EMCN: variants seen among roughly 807,000 people sequenced by gnomAD.
EMCN encodes endomucin.
Under a neutral mutation model 38.4 loss-of-function variants are expected in EMCN, and 37 were observed. That is an observed-to-expected ratio of 0.96 (90% CI 0.74 to 1.27). The LOEUF is 1.27. Ranked by LOEUF, EMCN falls within the 50% of genes most tolerant of loss-of-function variation. The pLI is 0.00. For synonymous variants in EMCN, 95 were observed against 100.8 expected, an observed-to-expected ratio of 0.94 and a Z score of 0.35; for missense variants, 318 against 302.8, an observed-to-expected ratio of 1.05 and a Z score of -0.37.
intron 11 of EMCN, among the ~76,000 whole-genome samples, chr4:100,399,322 G>A (rs181350786): frequency 2.6e-5 from 4 of 152,246 alleles, no homozygotes; most frequent in Non-Finnish European, 4.4e-5. Context: ...GGTTTGCTAG[G>A]TTCTGGGGAG....
At chr4:100,420,168 G>A (rs72617733) in intron 8 of EMCN, among the ~76,000 whole-genome samples, 25,817 of 151,962 alleles carry the variant, frequency 0.17, 3,699 homozygotes, top group East Asian at 0.77. Flanking sequence ...AGCATGCAAT[G>A]TGAACAATAT....
chr4:100,399,826 T>C (rs1006202577), intron 11 of EMCN, among the ~76,000 whole-genome samples: 5 of 152,186 alleles, frequency 3.3e-5, no homozygotes, highest in Admixed American at 6.5e-5. Context: ...GTTTGTTATA[T>C]AGGTAAACTG....
At chr4:100,404,332 A>T (rs182937921) in intron 11 of EMCN, among the ~76,000 whole-genome samples, 149 of 152,082 alleles carry the variant, frequency 9.8e-4, no homozygotes, top group Non-Finnish European at 1.9e-4. Flanking sequence ...ACTGCTTGTT[A>T]TTGTCAGCTT....
At chr4:100,404,862 C>T (rs770120822) in intron 11 of EMCN, among the ~76,000 whole-genome samples, 1 of 151,880 alleles carries the variant, frequency 6.6e-6, no homozygotes, top group Non-Finnish European at 1.5e-5. Context: ...AATGTTTTTC[C>T]ATTGGTTCAT....
chr4:100,438,367 T>C (rs892097633), intron 5 of EMCN, among the ~76,000 whole-genome samples: 3 of 152,120 alleles, frequency 2.0e-5, no homozygotes, highest in Admixed American at 2.0e-4. Context: ...TTTTTTATGG[T>C]ACCATAAATG....
At chr4:100,487,048 G>T in intron 1 of EMCN, 1 of 982,788 alleles carries the variant, frequency 1.0e-6, no homozygotes, top group Non-Finnish European at 1.2e-6. Context: ...AAAAGGCAAA[G>T]GTTACATTTA....
At position 100,465,549 on chromosome 4, in the gene EMCN, G is replaced by C. The variant is rs750200582; in HGVS notation, c.260-10C>G. 1 of 1,499,214 alleles carries C rather than the reference G, an allele frequency of 6.7e-7. No homozygotes were observed. Among genetic ancestry groups the C allele is most frequent in the South Asian group, 1.2e-5 (1 of 85,562 alleles). 92.9% of individuals were successfully genotyped at this position (1,499,214 alleles called of 1,614,324 possible). A position where few individuals can be genotyped will look rare whatever the true frequency, so the allele number is the denominator to read the frequency against. On this transcript the variant is annotated splice_polypyrimidine_tract_variant and intron_variant, in intron 3 of 11. Transcript: ENST00000296420. ...GTTGTGGCTTTCAATCCTATAAAAA[G>C]AATGAACAGTCATCAGGAGTATAAC...
At chr4:100,403,859 C>CTG (rs1006245690) in intron 11 of EMCN, among the ~76,000 whole-genome samples, 28 of 152,044 alleles carry the variant, frequency 1.8e-4, no homozygotes, top group African/African-American at 6.7e-4. Flanking sequence ...CTTGTTGGCC[C>CTG]TGTGTATGTC....
intron 9 of EMCN, 81 bp downstream of exon 9, chr4:100,417,036 A>G: frequency 7.8e-7 from 1 of 1,276,582 alleles, no homozygotes; most frequent in Non-Finnish European, 1.1e-6. Context: ...GAAATAATCC[A>G]AAAAAGTATA....
chr4:100,465,978 A>T (rs1019971546), intron 3 of EMCN, among the ~76,000 whole-genome samples: 6 of 152,172 alleles, frequency 3.9e-5, no homozygotes, highest in Non-Finnish European at 7.3e-5. Context: ...TAAGTATGGC[A>T]CTATTGTTCT....
At chr4:100,461,357 T>A (rs1728173522) in intron 4 of EMCN, among the ~76,000 whole-genome samples, 1 of 152,166 alleles carries the variant, frequency 6.6e-6, no homozygotes, top group Non-Finnish European at 1.5e-5. Context: ...ATCACTGATA[T>A]TGAATTATTA....
intron 11 of EMCN, among the ~76,000 whole-genome samples, chr4:100,398,771 C>T (rs953106724): frequency 6.6e-6 from 1 of 152,136 alleles, no homozygotes; most frequent in Non-Finnish European, 1.5e-5. Flanking sequence ...TATTCTGCCT[C>T]TTCATCTTCC....
chr4:100,448,679 A>G (rs144633996), intron 4 of EMCN, among the ~76,000 whole-genome samples: 293 of 152,182 alleles, frequency 1.9e-3, no homozygotes, highest in African/African-American at 6.6e-3. Flanking sequence ...CACTGCTCCA[A>G]TGGCTCCCTA....
At chr4:100,473,374 TTTTTTTTTTTTG>T (rs1384511225) in intron 3 of EMCN, among the ~76,000 whole-genome samples, 2,042 of 45,392 alleles carry the variant, frequency 0.045, 91 homozygotes, top group African/African-American at 0.19. Context: ...TGTTTTTTTG[TTTTTTTTTTTTG>T]TTTTTTTTTT....
chr4:100,467,957 C>G (rs1728370345), intron 3 of EMCN, among the ~76,000 whole-genome samples: 1 of 152,150 alleles, frequency 6.6e-6, no homozygotes, highest in Non-Finnish European at 1.5e-5. Flanking sequence ...TTAGGTTTCA[C>G]AAACATAATT....
chr4:100,508,257 G>A (rs541221693), intron 1 of EMCN, among the ~76,000 whole-genome samples: 1 of 152,282 alleles, frequency 6.6e-6, no homozygotes, highest in South Asian at 2.1e-4. Flanking sequence ...ACTAACCCAA[G>A]TGCTCTTGGC....
At chr4:100,450,501 G>C (rs1477281999) in intron 4 of EMCN, among the ~76,000 whole-genome samples, 1 of 151,804 alleles carries the variant, frequency 6.6e-6, no homozygotes, top group Admixed American at 6.6e-5. Context: ...TCATTAACAG[G>C]TACAAGAGAA....
chr4:100,438,025 A>G (rs72923842), intron 5 of EMCN, among the ~76,000 whole-genome samples: 4,713 of 152,158 alleles, frequency 0.031, 256 homozygotes, highest in African/African-American at 0.11. Context: ...TGATTCATAA[A>G]TACAGTGTAT....
intron 3 of EMCN, among the ~76,000 whole-genome samples, chr4:100,473,381 T>TTG (rs1553930788): frequency 1.6e-5 from 2 of 123,754 alleles, no homozygotes; most frequent in South Asian, 3.0e-4. Context: ...TTGTTTTTTT[T>TTG]TTTTGTTTTT....
Sources: allele counts gnomAD v4.1 joint callset (sites outside exome capture counted in the v4.1 genomes callset), GRCh38; gene constraint gnomAD v4.1.1; transcripts MANE v1.5; gene names NCBI Gene and HGNC (gene_info 2026-07-23, HGNC 2026-07-21).